ZEB2: variants seen among roughly 807,000 people sequenced by gnomAD.
ZEB2 encodes zinc finger E-box-binding homeobox 2.
Under a neutral mutation model 99.9 loss-of-function variants are expected in ZEB2, and 6 were observed. The observed-to-expected ratio is 0.06, with a 90% CI of 0.03 to 0.12. ZEB2 has a LOEUF of 0.12. ZEB2 is among the 10% of genes least tolerant of loss of function. ZEB2 has a pLI of 1.00. For synonymous variants in ZEB2, 517 were observed against 542.5 expected, an observed-to-expected ratio of 0.95 and a Z score of 0.65; for missense variants, 969 against 1,502.8, an observed-to-expected ratio of 0.64 and a Z score of 5.87.
intron 4 of ZEB2, among the ~76,000 whole-genome samples, chr2:144,416,189 A>G (rs1347901849): frequency 6.6e-6 from 1 of 152,158 alleles, no homozygotes. Flanking sequence ...TCAGGCCCTG[A>G]AAAGTTTCCT....
chr2:144,498,091 T>C (rs138690381), intron 2 of ZEB2, among the ~76,000 whole-genome samples: 1,887 of 71,930 alleles, frequency 0.026, 171 homozygotes, highest in East Asian at 0.11. Context: ...ATATAATATA[T>C]ATTAATATTA....
intron 2 of ZEB2, among the ~76,000 whole-genome samples, chr2:144,474,690 C>T (rs1304755802): frequency 6.6e-6 from 1 of 151,504 alleles, no homozygotes; most frequent in Admixed American, 6.6e-5. Flanking sequence ...AGCCTGAGGA[C>T]TCTCTATTAA....
At chr2:144,503,621 T>C (rs1704905943) in intron 2 of ZEB2, 1 of 152,164 alleles carries the variant, frequency 6.6e-6, no homozygotes, top group South Asian at 2.1e-4. Context: ...ATGACAATTT[T>C]TTTTTTTAAG....
At chr2:144,496,446 GA>G (rs1323188174) in intron 2 of ZEB2, 1 of 152,058 alleles carries the variant, frequency 6.6e-6, no homozygotes, top group Non-Finnish European at 1.5e-5. Context: ...AGTAATGAAA[GA>G]AAAAATAAAT....
At chr2:144,517,909 T>C (rs1705189602) in intron 1 of ZEB2, 2 of 365,326 alleles carry the variant, frequency 5.5e-6, no homozygotes, top group Admixed American at 9.5e-5. Flanking sequence ...CTCGGGCAAA[T>C]TGATAATAGT....
chr2:144,515,213 ATGAC>A (rs1478394825), intron 2 of ZEB2, among the ~76,000 whole-genome samples: 3 of 152,168 alleles, frequency 2.0e-5, no homozygotes, highest in East Asian at 1.9e-4. Context: ...AAAAAAAAAA[ATGAC>A]TGTTTAACAG....
intron 4 of ZEB2, among the ~76,000 whole-genome samples, chr2:144,421,976 G>A (rs1288327754): frequency 6.6e-6 from 1 of 152,106 alleles, no homozygotes; most frequent in African/African-American, 2.4e-5. Flanking sequence ...TGTAAATCTA[G>A]AAATAGCAAG....
Position 144,389,700 on chromosome 2 carries a change from C to T in ZEB2, c.3396G>A (p.Arg1132=). 5 of 1,613,934 alleles carry T rather than the reference C, an allele frequency of 3.1e-6. No individual in the cohort carries two copies. Among genetic ancestry groups the T allele is most frequent in the Non-Finnish European group, 3.4e-6 (4 of 1,179,886 alleles). The change falls in exon 10 of 10, where the codon AGG becomes AGA. Residue 1132 remains arginine (R), a synonymous_variant. Transcript: ENST00000627532. The surrounding 1 kb of genome is among the most constrained non-coding windows in gnomAD (Gnocchi z 6.8). The part of the protein sequence containing the change: ...SDSEERESMP[R]DGESEKEHEK... ...CGTGCTCCTTCTCGCTCTCGCCATC[C>T]CTCGGCATACTCTCCCTCTCCTCCG...
At chr2:144,449,820 GT>G (rs2149899284) in intron 2 of ZEB2, 1 of 152,352 alleles carries the variant, frequency 6.6e-6, no homozygotes, top group South Asian at 2.1e-4. Flanking sequence ...AGTCGGGGCA[GT>G]GTAAATATTA....
Position 144,388,125 on chromosome 2 carries a change from T to G in ZEB2, c.*1326A>C, listed in dbSNP as rs1374671090. 1.3e-5 allele frequency: 2 copies of G among 152,592 alleles called. No homozygotes were observed. The highest frequency in any genetic ancestry group is 3.8e-4 in the East Asian group (2 of 5,200). 9.5% of individuals were successfully genotyped at this position (152,592 alleles called of 1,614,324 possible). On this transcript the variant is annotated 3_prime_UTR_variant, in exon 10 of 10. Coordinates refer to ENST00000627532, the MANE Select transcript of ZEB2 (RefSeq NM_014795.4). This position sits in a 1 kb window ranked among gnomAD's most constrained non-coding sequence, Gnocchi z 5.4. ...AATTCAGGAAAGATTTTTGTCATGGTATCATACATTGTATTTAACAGTCCC... is the reference window on the plus strand; with the variant it reads ...AATTCAGGAAAGATTTTTGTCATGGGATCATACATTGTATTTAACAGTCCC...
At chr2:144,513,903 T>C (rs1207781772) in intron 2 of ZEB2, 2 of 1,502,456 alleles carry the variant, frequency 1.3e-6, no homozygotes, top group African/African-American at 1.4e-5. Flanking sequence ...GTCAGGCGAC[T>C]GAGGATCATC....
intron 4 of ZEB2, 39 bp from the exon 5 acceptor site, chr2:144,405,063 C>A: frequency 6.3e-7 from 1 of 1,599,174 alleles, no homozygotes; most frequent in South Asian, 1.1e-5. Context: ...GTTTCCGGGC[C>A]TTCTTCCTAG....
rs148433281 is a variant in ZEB2, at chr2:144,468,925, A to C, written c.74-38899T>G. Among the ~76,000 whole-genome samples the C allele has an allele frequency of 2.4e-3, 366 of 152,176 alleles. 1 individual carries two copies. Among genetic ancestry groups the C allele is most frequent in the African/African-American group, 8.3e-3 (346 of 41,508 alleles). ...CTTAGTTCCTCCTTGTACATATATCAAATCGAGGACTTACCTTGATCATCC... is the reference window on the plus strand; with the variant it reads ...CTTAGTTCCTCCTTGTACATATATCCAATCGAGGACTTACCTTGATCATCC... On this transcript the variant is annotated intron_variant, in intron 2 of 9. Coordinates refer to ENST00000627532, the MANE Select transcript of ZEB2 (RefSeq NM_014795.4).
At chr2:144,397,874 C>G (rs752997020) in intron 8 of ZEB2, 3 of 320,022 alleles carry the variant, frequency 9.4e-6, no homozygotes. Context: ...CTCCTGACCT[C>G]AAGTGATCCA....
intron 2 of ZEB2, among the ~76,000 whole-genome samples, chr2:144,502,773 A>G (rs985925992): frequency 3.9e-5 from 6 of 152,140 alleles, no homozygotes; most frequent in Admixed American, 3.3e-4. Flanking sequence ...GATTTTCATA[A>G]CAATTATTTT....
At chr2:144,455,655 G>A (rs891491666) in intron 2 of ZEB2, among the ~76,000 whole-genome samples, 8 of 152,150 alleles carry the variant, frequency 5.3e-5, no homozygotes, top group South Asian at 4.1e-4. Flanking sequence ...TGCAGCATAA[G>A]TTTAATAAAA....
intron 2 of ZEB2, among the ~76,000 whole-genome samples, chr2:144,447,856 A>AT (rs1233690005): frequency 1.3e-5 from 2 of 152,156 alleles, no homozygotes; most frequent in Non-Finnish European, 2.9e-5. Flanking sequence ...GACATTTTAT[A>AT]TTTCTGTAGG....
chr2:144,469,728 C>G (rs1467744329), intron 2 of ZEB2, among the ~76,000 whole-genome samples: 1 of 152,122 alleles, frequency 6.6e-6, no homozygotes, highest in African/African-American at 2.4e-5. Context: ...TCAAAATGAT[C>G]ATTAATTTGC....
intron 2 of ZEB2, among the ~76,000 whole-genome samples, chr2:144,452,409 A>G (rs1369735681): frequency 6.6e-6 from 1 of 152,158 alleles, no homozygotes; most frequent in African/African-American, 2.4e-5. Flanking sequence ...GCTTCTAAGG[A>G]GAGGAAACAA....
Sources: allele counts gnomAD v4.1 joint callset (sites outside exome capture counted in the v4.1 genomes callset), GRCh38; gene constraint gnomAD v4.1.1; non-coding constraint Gnocchi (gnomAD v3.1); transcripts MANE v1.5; gene names NCBI Gene and HGNC (gene_info 2026-07-23, HGNC 2026-07-21).